The following MSR1 variants were observed in gnomAD, a reference collection of about 807,000 sequenced individuals.
MSR1 encodes the protein macrophage scavenger receptor types I and II.
MSR1 carries 53 observed loss-of-function variants against 47.2 expected under a neutral mutation model. That is an observed-to-expected ratio of 1.12 (90% CI 0.90 to 1.41). The LOEUF (loss-of-function observed/expected upper bound fraction) is 1.41, where lower values mean the gene tolerates loss of function less well. MSR1 is among the 40% of genes most tolerant of loss of function. The probability of loss-of-function intolerance (pLI) is 0.00; values close to 1 mark genes in which losing one functional copy is unlikely to be tolerated. For missense variants in MSR1, 786 were observed against 546.9 expected (o/e 1.44, Z -4.36); for synonymous variants, 239 against 185.6 (o/e 1.29, Z -2.34).
chr8:16,119,736 C>T (rs1799952943), intron 9 of MSR1, among the ~76,000 whole-genome samples: 1 of 151,958 alleles, frequency 6.6e-6, no homozygotes, highest in Non-Finnish European at 1.5e-5. Context: ...AGAGACAGGT[C>T]TTGCTCTGTC....
intron 8 of MSR1, among the ~76,000 whole-genome samples, chr8:16,137,068 A>G (rs1315683742): frequency 4.6e-5 from 7 of 152,116 alleles, no homozygotes; most frequent in Admixed American, 4.6e-4. Context: ...ATAAAAAAAG[A>G]GAGACATTGG....
chr8:16,185,566 C>A (rs1415453340), intron 1 of MSR1, among the ~76,000 whole-genome samples: 1 of 152,096 alleles, frequency 6.6e-6, no homozygotes, highest in Non-Finnish European at 1.5e-5. Context: ...GAGCCCAGAA[C>A]TGCTTTTCTA....
chr8:16,147,920 C>T (rs941021145), intron 7 of MSR1, among the ~76,000 whole-genome samples: 13 of 152,102 alleles, frequency 8.5e-5, no homozygotes, highest in Non-Finnish European at 1.2e-4. Context: ...ATAGCATCAC[C>T]GTCACCTGGA....
intron 8 of MSR1, among the ~76,000 whole-genome samples, chr8:16,134,222 T>C (rs1800331503): frequency 6.6e-6 from 1 of 152,196 alleles, no homozygotes. Context: ...TTTATGTGGC[T>C]CTGATAGGGG....
chr8:16,184,867 T>C (rs531981627), intron 1 of MSR1, among the ~76,000 whole-genome samples: 122 of 152,204 alleles, frequency 8.0e-4, no homozygotes, highest in African/African-American at 2.9e-3. Flanking sequence ...TTTTAAACCG[T>C]GGTTACCTTG....
intron 8 of MSR1, among the ~76,000 whole-genome samples, chr8:16,141,925 A>T (rs1164948879): frequency 3.3e-5 from 5 of 152,210 alleles, no homozygotes. Context: ...AGATAAAATA[A>T]AGGCAGAGAT....
At chr8:16,120,065 A>G (rs1284685257) in intron 9 of MSR1, among the ~76,000 whole-genome samples, 4 of 151,702 alleles carry the variant, frequency 2.6e-5, no homozygotes, top group Non-Finnish European at 4.4e-5. Context: ...GAGAATGCCT[A>G]CATTTCATTT....
At chr8:16,167,453 G>A (rs1443755458) in intron 4 of MSR1, among the ~76,000 whole-genome samples, 2 of 152,136 alleles carry the variant, frequency 1.3e-5, no homozygotes, top group Non-Finnish European at 2.9e-5. Flanking sequence ...GCTAAGGCAC[G>A]AGAATCACTT....
chr8:16,177,050 C>T (rs967095332), intron 2 of MSR1, among the ~76,000 whole-genome samples: 5 of 152,152 alleles, frequency 3.3e-5, no homozygotes, highest in African/African-American at 1.2e-4. Context: ...GTAACTTTCT[C>T]CTGACATCTT....
intron 3 of MSR1, among the ~76,000 whole-genome samples, chr8:16,173,174 C>G (rs1013704362): frequency 6.6e-6 from 1 of 152,148 alleles, no homozygotes; most frequent in Non-Finnish European, 1.5e-5. Flanking sequence ...CAAACTACTT[C>G]AAATCAATCA....
At chr8:16,120,887 A>T (rs1213368029) in intron 8 of MSR1, 4 of 438,526 alleles carry the variant, frequency 9.1e-6, no homozygotes, top group African/African-American at 8.0e-5. Context: ...TATTCCAACG[A>T]GTTTGAATTT....
intron 3 of MSR1, among the ~76,000 whole-genome samples, chr8:16,172,799 A>G (rs1801524211): frequency 6.6e-6 from 1 of 152,092 alleles, no homozygotes; most frequent in Admixed American, 6.5e-5. Flanking sequence ...TAAACCTTAT[A>G]ATTAAGAAAA....
intron 7 of MSR1, 97 bp downstream of exon 7, chr8:16,150,134 G>A (rs1800808498): frequency 1.1e-5 from 2 of 190,084 alleles, no homozygotes; most frequent in Non-Finnish European, 1.8e-5. Flanking sequence ...GTGTATGTGT[G>A]TGTGTGTATA....
At chr8:16,119,326 A>G (rs1198732743) in intron 9 of MSR1, among the ~76,000 whole-genome samples, 1 of 151,712 alleles carries the variant, frequency 6.6e-6, no homozygotes, top group Non-Finnish European at 1.5e-5. Context: ...CCTGGGTCCA[A>G]GTAATTGTCC....
At chr8:16,169,402 C>G (rs34378131) in intron 3 of MSR1, among the ~76,000 whole-genome samples, 10 of 152,080 alleles carry the variant, frequency 6.6e-5, no homozygotes, top group Non-Finnish European at 1.5e-4. Flanking sequence ...GCCAGAAAAG[C>G]GTCATTTTCA....
chr8:16,177,948 G>C lies in MSR1; in HGVS notation c.41C>G (p.Thr14Ser). The C allele has an allele frequency of 6.2e-7, 1 of 1,613,942 alleles. No homozygotes were observed. The highest frequency in any genetic ancestry group is 8.5e-7 in the Non-Finnish European group (1 of 1,179,928). Residue 14 changes from threonine (T) to serine (S), a missense_variant, in exon 2 of 10, where the codon ACT (threonine) becomes AGT (serine). Transcript: ENST00000262101. ...TTTCACAGATTCGGAGCAGCTATCA[G>C]TGTCCTCCTGTTGATTGTGAAAGTG... is the stretch of plus-strand genomic sequence containing the variant. ...WDHFHNQQED[T>S]DSCSESVKFD...
chr8:16,188,083 G>C (rs902227395), intron 1 of MSR1, among the ~76,000 whole-genome samples: 8 of 152,078 alleles, frequency 5.3e-5, no homozygotes, highest in African/African-American at 9.7e-5. Flanking sequence ...TCAGTGTGCT[G>C]ATAAACGATT....
chr8:16,112,875 AT>A lies in MSR1; in HGVS notation c.1223-2658del, dbSNP rs147079507. Among the ~76,000 whole-genome samples, 851 of 149,092 alleles carry A rather than the reference AT, an allele frequency of 5.7e-3. 6 individuals are homozygous for A. The highest frequency in any genetic ancestry group is 9.1e-3 in the Non-Finnish European group (613 of 67,638). On this transcript the variant is annotated intron_variant, in intron 9 of 9. Coordinates refer to ENST00000262101, the MANE Select transcript of MSR1 (RefSeq NM_138715.3). The stretch of plus-strand genomic sequence containing the variant: ...TTTCCACCTATATACCTAGCCATAT[AT>A]ATATCTATGATTTCCTTTATAATTT...
At chr8:16,182,700 A>G (rs1337697855) in intron 1 of MSR1, among the ~76,000 whole-genome samples, 1 of 152,064 alleles carries the variant, frequency 6.6e-6, no homozygotes, top group Admixed American at 6.6e-5. Context: ...CCACTGAAAG[A>G]TCTTCAGAAA....
Sources: gnomAD v4.1 joint callset for allele counts (sites outside exome capture counted in the v4.1 genomes callset) on GRCh38, gnomAD v4.1.1 for gene constraint, MANE v1.5 for transcripts, NCBI Gene and HGNC (gene_info 2026-07-23, HGNC 2026-07-21) for gene names.